Variants in BBX observed in about 807,000 individuals in gnomAD.
BBX encodes BBX high mobility group box domain containing.
Under a neutral mutation model 100.2 loss-of-function variants are expected in BBX, and 30 were observed. That is an observed-to-expected ratio of 0.30 (90% CI 0.22 to 0.41). BBX has a LOEUF of 0.41. Ranked by LOEUF, BBX falls within the 10% of genes least tolerant of loss-of-function variation. The pLI is 1.00. For missense variants in BBX, 1,023 were observed against 1,129.8 expected (o/e 0.91, Z 1.35); for synonymous variants, 376 against 388.1 (o/e 0.97, Z 0.37).
At chr3:107,676,052 C>T (rs1239127210) in intron 3 of BBX, among the ~76,000 whole-genome samples, 3 of 151,984 alleles carry the variant, frequency 2.0e-5, no homozygotes, top group Non-Finnish European at 2.9e-5. Flanking sequence ...TAGGAATGCC[C>T]TCCAAATAAA....
intron 2 of BBX, among the ~76,000 whole-genome samples, chr3:107,620,654 C>T (rs950531310): frequency 6.6e-6 from 1 of 152,284 alleles, no homozygotes; most frequent in East Asian, 1.9e-4. Flanking sequence ...TCCTGCTGGG[C>T]AGGGGCACAG....
intron 2 of BBX, among the ~76,000 whole-genome samples, chr3:107,593,868 A>T (rs1264600498): frequency 6.6e-6 from 1 of 152,232 alleles, no homozygotes. Context: ...AAAAGCCCAA[A>T]ACACAGTTAT....
intron 2 of BBX, among the ~76,000 whole-genome samples, chr3:107,579,706 G>A (rs1033772216): frequency 1.3e-5 from 2 of 152,296 alleles, no homozygotes; most frequent in African/African-American, 2.4e-5. Context: ...GAAAGAAGAC[G>A]TTAAAGGAGT....
At chr3:107,550,239 C>G (rs890041312) in intron 2 of BBX, among the ~76,000 whole-genome samples, 1 of 152,056 alleles carries the variant, frequency 6.6e-6, no homozygotes, top group Non-Finnish European at 1.5e-5. Flanking sequence ...CTAGCACATA[C>G]CTGGGCATAG....
intron 17 of BBX, among the ~76,000 whole-genome samples, chr3:107,803,801 C>T (rs540963525): frequency 7.2e-5 from 11 of 152,294 alleles, no homozygotes; most frequent in Non-Finnish European, 1.6e-4. Flanking sequence ...CTGACCCTTC[C>T]TCTGGGAGCT....
chr3:107,540,428 G>A (rs967890764), intron 2 of BBX, among the ~76,000 whole-genome samples: 11 of 152,088 alleles, frequency 7.2e-5, no homozygotes, highest in African/African-American at 2.4e-4. Flanking sequence ...TTGTTGAATC[G>A]AATTACTCCG....
intron 2 of BBX, among the ~76,000 whole-genome samples, chr3:107,590,264 T>C (rs773869748): frequency 2.6e-5 from 4 of 152,222 alleles, no homozygotes; most frequent in Non-Finnish European, 5.9e-5. Context: ...TATTTTTTTA[T>C]TGATATGTAG....
intron 2 of BBX, among the ~76,000 whole-genome samples, chr3:107,558,217 A>G (rs909232041): frequency 6.6e-6 from 1 of 152,222 alleles, no homozygotes; most frequent in South Asian, 2.1e-4. Flanking sequence ...GGCCGGGCGC[A>G]GTGGCTCATG....
intron 3 of BBX, among the ~76,000 whole-genome samples, chr3:107,666,598 GCTC>G (rs2058755099): frequency 6.6e-6 from 1 of 152,106 alleles, no homozygotes; most frequent in African/African-American, 2.4e-5. Flanking sequence ...ACGGAGTCTC[GCTC>G]TATTGGCAGA....
intron 15 of BBX, among the ~76,000 whole-genome samples, chr3:107,792,941 G>A (rs1032158183): frequency 5.3e-5 from 8 of 152,072 alleles, no homozygotes; most frequent in Admixed American, 1.3e-4. Context: ...GTGGTAGAAA[G>A]AGCACTTACC....
chr3:107,755,221 T>G (rs1363673934), intron 9 of BBX, among the ~76,000 whole-genome samples: 1 of 152,228 alleles, frequency 6.6e-6, no homozygotes, highest in Non-Finnish European at 1.5e-5. Flanking sequence ...CCAGATATAT[T>G]CTTCAAAAAA....
intron 3 of BBX, among the ~76,000 whole-genome samples, chr3:107,675,342 GAAAT>G (rs1320022110): frequency 2.6e-5 from 4 of 152,152 alleles, no homozygotes; most frequent in Non-Finnish European, 5.9e-5. Flanking sequence ...ACCTGCGGAG[GAAAT>G]CGTGCTCCCT....
chr3:107,535,593 C>CTTT (rs11298693), intron 2 of BBX, among the ~76,000 whole-genome samples: 2 of 132,854 alleles, frequency 1.5e-5, no homozygotes, highest in Admixed American at 7.5e-5. Context: ...TGCTCTGTTC[C>CTTT]TTTTTTTTTT....
chr3:107,530,386 A>AAAACG (rs1458540283), intron 2 of BBX, among the ~76,000 whole-genome samples: 1 of 111,898 alleles, frequency 8.9e-6, no homozygotes, highest in Non-Finnish European at 2.0e-5. Context: ...CTCTGTCTCC[A>AAAACG]AAACAAAACA....
intron 2 of BBX, among the ~76,000 whole-genome samples, chr3:107,584,165 ATTATTATATATATTATATATAAT>A (rs2052616793): frequency 4.5e-5 from 1 of 22,048 alleles, no homozygotes; most frequent in Non-Finnish European, 7.8e-5. Flanking sequence ...TGATATATAT[ATTATTATATATATTATATATAAT>A]ATATGATATA....
At chr3:107,680,885 T>A (rs140333978) in intron 3 of BBX, among the ~76,000 whole-genome samples, 1 of 151,954 alleles carries the variant, frequency 6.6e-6, no homozygotes, top group African/African-American at 2.4e-5. Flanking sequence ...TAGAAATGAC[T>A]CATCAGCTTT....
chr3:107,553,942 G>T (rs1281410605), intron 2 of BBX, among the ~76,000 whole-genome samples: 1 of 151,824 alleles, frequency 6.6e-6, no homozygotes, highest in Admixed American at 6.6e-5. Context: ...GGTTTGTTAT[G>T]TGTTTTTTTT....
At chr3:107,646,530 T>C (rs531253227) in intron 3 of BBX, among the ~76,000 whole-genome samples, 2 of 152,232 alleles carry the variant, frequency 1.3e-5, no homozygotes, top group East Asian at 3.9e-4. Context: ...GAAAAATTTT[T>C]TTAACTTTAA....
At chr3:107,770,298 G>T (rs1027301782) in intron 10 of BBX, among the ~76,000 whole-genome samples, 1 of 152,124 alleles carries the variant, frequency 6.6e-6, no homozygotes, top group Admixed American at 6.5e-5. Context: ...AACTAGCGCC[G>T]GTAAGGTAAA....
Sources: gnomAD v4.1 joint callset for allele counts (sites outside exome capture counted in the v4.1 genomes callset) on GRCh38, gnomAD v4.1.1 for gene constraint, MANE v1.5 for transcripts, NCBI Gene and HGNC (gene_info 2026-07-23, HGNC 2026-07-21) for gene names.